CYP2C18: variants seen among roughly 807,000 people sequenced by gnomAD.
CYP2C18 encodes cytochrome P450 family 2 subfamily C member 18, also known as cytochrome P450 2C18.
Under a neutral mutation model 41.3 loss-of-function variants are expected in CYP2C18, and 38 were observed. That is an observed-to-expected ratio of 0.92 (90% CI 0.71 to 1.21). The LOEUF (loss-of-function observed/expected upper bound fraction) is 1.21, where lower values mean the gene tolerates loss of function less well. Among genes scored for constraint, CYP2C18 ranks in the 50% most tolerant of loss-of-function variants. The pLI, the probability that CYP2C18 is intolerant of heterozygous loss-of-function variation, is 0.00. For missense variants in CYP2C18, 635 were observed against 591.4 expected (o/e 1.07, Z -0.77); for synonymous variants, 236 against 210.0 (o/e 1.12, Z -1.07).
At chr10:94,731,315 G>A (rs529393712) in intron 7 of CYP2C18, among the ~76,000 whole-genome samples, 12 of 152,142 alleles carry the variant, frequency 7.9e-5, no homozygotes, top group Non-Finnish European at 1.6e-4. Context: ...GGAAGGTGGA[G>A]CTTGCAGTGA....
At chr10:94,716,151 T>A (rs1847538376) in intron 5 of CYP2C18, among the ~76,000 whole-genome samples, 1 of 152,122 alleles carries the variant, frequency 6.6e-6, no homozygotes, top group South Asian at 2.1e-4. Flanking sequence ...GATTCATTGA[T>A]TTTTTGAAGG....
intron 7 of CYP2C18, among the ~76,000 whole-genome samples, chr10:94,732,273 A>G (rs1847847082): frequency 6.6e-6 from 1 of 152,194 alleles, no homozygotes; most frequent in Non-Finnish European, 1.5e-5. Context: ...AAAATGGGAT[A>G]CCATCTCACA....
intron 3 of CYP2C18, among the ~76,000 whole-genome samples, chr10:94,692,107 G>A (rs914757533): frequency 3.9e-5 from 6 of 152,136 alleles, no homozygotes; most frequent in African/African-American, 1.2e-4. Flanking sequence ...TTAGGACATA[G>A]GCATGGGCAA....
rs371155124 is a variant in CYP2C18, at chr10:94,733,315, T to A, written c.1168T>A (p.Ser390Thr). ...TTTTCAGGGCACGACCATAATAACA[T>A]CCCTGACTTCTGTGCTGCACAATGA... ...LIPKGTTIIT[S>T]LTSVLHNDKE... The change falls in exon 8 of 9, where the codon TCC becomes ACC. Residue 390 changes from serine (S) to threonine (T), a missense_variant. Transcript: ENST00000285979. 1.9e-6 allele frequency: 3 copies of A among 1,613,074 alleles called. No individual in the cohort carries two copies. The East Asian group carries it at 6.7e-5, about 36-fold the overall frequency.
At chr10:94,695,109 T>C (rs757295163) in intron 4 of CYP2C18, 32 bp downstream of exon 4, 3 of 1,552,784 alleles carry the variant, frequency 1.9e-6, no homozygotes, top group Non-Finnish European at 2.6e-6. Flanking sequence ...CCTGAGATAT[T>C]ATTTTTGTTA....
intron 7 of CYP2C18, 146 bp from the exon 8 acceptor site, chr10:94,733,151 C>T (rs1037874503): frequency 1.4e-6 from 1 of 714,306 alleles, no homozygotes; most frequent in Non-Finnish European, 2.3e-6. Flanking sequence ...CTGCTTCTTA[C>T]TAGGTCTGTC....
At chr10:94,701,193 AC>A (rs1426382621) in intron 4 of CYP2C18, among the ~76,000 whole-genome samples, 1 of 152,208 alleles carries the variant, frequency 6.6e-6, no homozygotes, top group Non-Finnish European at 1.5e-5. Context: ...GGCATTATTC[AC>A]AATAGCAAAG....
chr10:94,703,489 G>A (rs1847281653), intron 4 of CYP2C18, among the ~76,000 whole-genome samples: 2 of 152,128 alleles, frequency 1.3e-5, no homozygotes, highest in African/African-American at 4.8e-5. Flanking sequence ...GTGCTGCGGT[G>A]GGCACTGCCC....
At chr10:94,713,357 G>T (rs1024244552) in intron 5 of CYP2C18, among the ~76,000 whole-genome samples, 1 of 122,198 alleles carries the variant, frequency 8.2e-6, no homozygotes, top group African/African-American at 3.1e-5. Context: ...ATAGTCCCCC[G>T]TGTGTGATGT....
chr10:94,725,659 T>G (rs1024510273), intron 7 of CYP2C18, among the ~76,000 whole-genome samples: 3 of 152,138 alleles, frequency 2.0e-5, no homozygotes, highest in African/African-American at 7.2e-5. Context: ...GATGACTTTT[T>G]TTGGTCTTGA....
intron 5 of CYP2C18, among the ~76,000 whole-genome samples, chr10:94,712,963 C>A (rs1847465657): frequency 6.6e-6 from 1 of 151,980 alleles, no homozygotes; most frequent in Non-Finnish European, 1.5e-5. Context: ...TTTTATGTAT[C>A]TCTTAATCAT....
intron 6 of CYP2C18, 84 bp downstream of exon 6, chr10:94,720,621 T>G: frequency 2.3e-6 from 3 of 1,314,436 alleles, no homozygotes; most frequent in Non-Finnish European, 2.1e-6. Flanking sequence ...CTTGTTTCTC[T>G]TAGAGAAGCT....
Position 94,735,534 on chromosome 10 carries a change from A to T in CYP2C18, c.*90A>T. On this transcript the variant is annotated 3_prime_UTR_variant, in exon 9 of 9. Transcript: ENST00000285979. ...GGCCTCTCCCTTCTCTCTGTGAGGG[A>T]TATTTTCTCTGACTTGTCAATCCAC... The T allele has an allele frequency of 7.8e-7, 1 of 1,277,370 alleles. No individual in the cohort carries two copies. 79.1% of individuals were successfully genotyped at this position (1,277,370 alleles called of 1,614,324 possible). A position where few individuals can be genotyped will look rare whatever the true frequency, so the allele number is the denominator to read the frequency against.
intron 5 of CYP2C18, among the ~76,000 whole-genome samples, chr10:94,714,737 G>A (rs944359293): frequency 2.6e-5 from 4 of 152,110 alleles, no homozygotes; most frequent in Non-Finnish European, 4.4e-5. Context: ...AGCTTGATGG[G>A]GATGGCATTG....
At chr10:94,704,712 G>T (rs1317211580) in intron 4 of CYP2C18, among the ~76,000 whole-genome samples, 1 of 152,086 alleles carries the variant, frequency 6.6e-6, no homozygotes, top group Non-Finnish European at 1.5e-5. Context: ...AGCCTGTCCC[G>T]CTCTGGGCAT....
At chr10:94,722,648 A>G (rs573500882) in intron 6 of CYP2C18, among the ~76,000 whole-genome samples, 9 of 152,228 alleles carry the variant, frequency 5.9e-5, no homozygotes, top group African/African-American at 1.4e-4. Context: ...GGCAGAAAAC[A>G]GAAAATTCTC....
intron 5 of CYP2C18, among the ~76,000 whole-genome samples, chr10:94,713,772 G>C (rs1458561227): frequency 6.6e-6 from 1 of 152,174 alleles, no homozygotes; most frequent in Non-Finnish European, 1.5e-5. Context: ...TTCCACAGTG[G>C]TTGAACTAGT....
At chr10:94,692,076 A>G (rs1263610995) in intron 3 of CYP2C18, among the ~76,000 whole-genome samples, 1 of 152,238 alleles carries the variant, frequency 6.6e-6, no homozygotes, top group Non-Finnish European at 1.5e-5. Flanking sequence ...AAATCCTAGA[A>G]GAAAACCTAG....
rs371487811 is a variant in CYP2C18, at chr10:94,693,594, GCA to G, written c.482-1312_482-1311del. 7.9e-3 allele frequency among the ~76,000 whole-genome samples: 1,203 copies of G among 152,026 alleles called. 8 individuals are homozygous for G. The highest frequency in any genetic ancestry group is 0.012 in the Non-Finnish European group (800 of 67,940). On this transcript the variant is annotated intron_variant, in intron 3 of 8. Transcript: ENST00000285979. ...CACAAACACACTTGCATGCATGCATGCACACACACACAGAAATCTCTAACTAA... is the reference window on the plus strand; with the variant it reads ...CACAAACACACTTGCATGCATGCATGCACACACACAGAAATCTCTAACTAA...
Sources: allele counts gnomAD v4.1 joint callset (sites outside exome capture counted in the v4.1 genomes callset), GRCh38; gene constraint gnomAD v4.1.1; transcripts MANE v1.5; gene names NCBI Gene and HGNC (gene_info 2026-07-23, HGNC 2026-07-21).